Variants in LDAH observed in about 807,000 individuals in gnomAD.
LDAH encodes the protein lipid droplet-associated hydrolase.
In LDAH, 26 loss-of-function variants were observed where a neutral mutation model predicts 29.6. The observed-to-expected ratio is 0.88, with a 90% CI of 0.64 to 1.22. LDAH has a LOEUF of 1.22. LDAH is among the 50% of genes most tolerant of loss of function. The probability of loss-of-function intolerance (pLI) is 0.00; values close to 1 mark genes in which losing one functional copy is unlikely to be tolerated. For synonymous variants in LDAH, 117 were observed against 133.0 expected, an observed-to-expected ratio of 0.88 and a Z score of 0.83; for missense variants, 344 against 387.3, an observed-to-expected ratio of 0.89 and a Z score of 0.94.
intron 5 of LDAH, among the ~76,000 whole-genome samples, chr2:20,736,999 C>G (rs113753335): frequency 0.014 from 2,149 of 152,262 alleles, 53 homozygotes; most frequent in African/African-American, 0.049. Context: ...AAGAACTATA[C>G]AAAGTAGGGA....
chr2:20,716,586 G>T, intron 5 of LDAH, among the ~76,000 whole-genome samples: 1 of 150,566 alleles, frequency 6.6e-6, no homozygotes, highest in East Asian at 2.0e-4. Flanking sequence ...GTGGGGTGGG[G>T]GGTTGGGGGA....
At chr2:20,750,091 T>C (rs963577885) in intron 4 of LDAH, among the ~76,000 whole-genome samples, 1 of 146,400 alleles carries the variant, frequency 6.8e-6, no homozygotes, top group Non-Finnish European at 1.5e-5. Flanking sequence ...CATGGTGCAA[T>C]CTCAGCTCAC....
At chr2:20,804,984 G>A (rs1351821200) in intron 1 of LDAH, among the ~76,000 whole-genome samples, 1 of 152,108 alleles carries the variant, frequency 6.6e-6, no homozygotes, top group African/African-American at 2.4e-5. Context: ...TTTATAATGT[G>A]TTAGAAACAA....
At chr2:20,766,925 G>A (rs1669081540) in intron 4 of LDAH, among the ~76,000 whole-genome samples, 1 of 152,208 alleles carries the variant, frequency 6.6e-6, no homozygotes, top group Non-Finnish European at 1.5e-5. Context: ...TCTGCGCAGG[G>A]CCGCCCAGGG....
intron 5 of LDAH, among the ~76,000 whole-genome samples, chr2:20,715,413 C>T (rs1470532186): frequency 2.6e-5 from 4 of 152,180 alleles, no homozygotes; most frequent in Admixed American, 6.5e-5. Context: ...GACAAACCCA[C>T]AGCCAGTATC....
At chr2:20,748,887 T>C (rs1420045833) in intron 4 of LDAH, among the ~76,000 whole-genome samples, 1 of 152,126 alleles carries the variant, frequency 6.6e-6, no homozygotes, top group African/African-American at 2.4e-5. Flanking sequence ...GAGTGCTATG[T>C]ATGGGTCAGG....
At chr2:20,719,857 AGAACAGAAACCATAT>A (rs1665518065) in intron 5 of LDAH, among the ~76,000 whole-genome samples, 1 of 152,172 alleles carries the variant, frequency 6.6e-6, no homozygotes, top group Non-Finnish European at 1.5e-5. Flanking sequence ...AATAGAATCA[AGAACAGAAACCATAT>A]GATTGTTTCA....
At chr2:20,753,750 C>A (rs1181790950) in intron 4 of LDAH, among the ~76,000 whole-genome samples, 1 of 152,118 alleles carries the variant, frequency 6.6e-6, no homozygotes, top group African/African-American at 2.4e-5. Flanking sequence ...ACCCTTGTAC[C>A]CTAGATAGCC....
intron 5 of LDAH, among the ~76,000 whole-genome samples, chr2:20,705,665 T>C (rs1019545333): frequency 6.6e-6 from 1 of 152,198 alleles, no homozygotes; most frequent in Non-Finnish European, 1.5e-5. Context: ...TTAAAGTGCT[T>C]ATAGTATGAA....
At chr2:20,735,459 T>A (rs763274985) in intron 5 of LDAH, among the ~76,000 whole-genome samples, 75 of 152,198 alleles carry the variant, frequency 4.9e-4, no homozygotes, top group Non-Finnish European at 7.2e-4. Flanking sequence ...AGTTTTTTTT[T>A]AATCTTCTCT....
In LDAH at chr2:20,711,435, A is replaced by T. The variant is rs1428962728; in HGVS notation, c.704-9783T>A. Reference sequence around the variant, plus strand: ...GTGGTCCGTTCCAAGATGGCCGAATAGGAACAGCTCCGGTCTGCAGCTTCC... The same window carrying T: ...GTGGTCCGTTCCAAGATGGCCGAATTGGAACAGCTCCGGTCTGCAGCTTCC... On this transcript the variant is annotated intron_variant, in intron 5 of 6. Transcript: ENST00000237822. Among the ~76,000 whole-genome samples the T allele has an allele frequency of 1.1e-3, 162 of 151,806 alleles. 1 individual carries two copies. Among genetic ancestry groups the T allele is most frequent in the Middle Eastern group, 3.5e-3 (1 of 288 alleles).
rs58610229 is a variant in LDAH at position 20,798,054 on chromosome 2, T to G, written c.154+3256A>C. On this transcript the variant is annotated intron_variant, in intron 2 of 6. Coordinates refer to ENST00000237822, the MANE Select transcript of LDAH (RefSeq NM_021925.4). The stretch of plus-strand genomic sequence containing the variant: ...TACCAATACTTCTTATAAGCAGCTC[T>G]GAGTGTTGGAAAACAATGATTAATG... Among the ~76,000 whole-genome samples the G allele has an allele frequency of 7.9e-3, 1,199 of 152,348 alleles. 19 individuals carry two copies. Among genetic ancestry groups the G allele is most frequent in the African/African-American group, 0.027 (1,132 of 41,590 alleles).
At chr2:20,815,535 A>G (rs890861516) in intron 1 of LDAH, among the ~76,000 whole-genome samples, 2 of 152,188 alleles carry the variant, frequency 1.3e-5, no homozygotes, top group Non-Finnish European at 2.9e-5. Context: ...GCAGCCAAAG[A>G]GAAATGGCAC....
At chr2:20,816,195 G>A (rs1306638736) in intron 1 of LDAH, among the ~76,000 whole-genome samples, 1 of 151,934 alleles carries the variant, frequency 6.6e-6, no homozygotes, top group Non-Finnish European at 1.5e-5. Context: ...CCTACAGAAA[G>A]ACCAGAAAAG....
At chr2:20,814,645 A>G (rs1420012623) in intron 1 of LDAH, among the ~76,000 whole-genome samples, 1 of 152,116 alleles carries the variant, frequency 6.6e-6, no homozygotes, top group African/African-American at 2.4e-5. Context: ...TATTTTTGGT[A>G]GAGAAGGGGT....
At chr2:20,699,323 G>A (rs62122119) in intron 6 of LDAH, among the ~76,000 whole-genome samples, 7,196 of 152,146 alleles carry the variant, frequency 0.047, 245 homozygotes, top group East Asian at 0.13. Flanking sequence ...ACCAGTTATC[G>A]GGGGTGTTTG....
chr2:20,778,373 TC>T (rs1361636499), intron 3 of LDAH, among the ~76,000 whole-genome samples: 3 of 152,178 alleles, frequency 2.0e-5, no homozygotes, highest in Non-Finnish European at 4.4e-5. Flanking sequence ...TTAAATAATA[TC>T]AGTACTTCGC....
At chr2:20,766,058 G>A (rs1297060693) in intron 4 of LDAH, among the ~76,000 whole-genome samples, 1 of 151,502 alleles carries the variant, frequency 6.6e-6, no homozygotes, top group Non-Finnish European at 1.5e-5. Context: ...TAGTCCAGAT[G>A]AATGGTTTTC....
intron 6 of LDAH, among the ~76,000 whole-genome samples, chr2:20,697,186 T>C (rs182951744): frequency 6.6e-6 from 1 of 152,304 alleles, no homozygotes; most frequent in East Asian, 1.9e-4. Flanking sequence ...CCATCTCCCA[T>C]AACTTGCTGC....
Sources: gnomAD v4.1 joint callset for allele counts (sites outside exome capture counted in the v4.1 genomes callset) on GRCh38, gnomAD v4.1.1 for gene constraint, MANE v1.5 for transcripts, NCBI Gene and HGNC (gene_info 2026-07-23, HGNC 2026-07-21) for gene names.